The following CDHR4 variants were observed in gnomAD, a reference collection of about 807,000 sequenced individuals.
CDHR4 encodes cadherin-related family member 4.
Under a neutral mutation model 88.4 loss-of-function variants are expected in CDHR4, and 89 were observed. That is an observed-to-expected ratio of 1.01 (90% CI 0.85 to 1.20). CDHR4 has a LOEUF of 1.20. Among genes scored for constraint, CDHR4 ranks in the 50% most tolerant of loss-of-function variants. CDHR4 has a pLI of 0.00. For synonymous variants in CDHR4, 368 were observed against 399.2 expected (o/e 0.92, Z 0.93); for missense variants, 914 against 1,007.2 (o/e 0.91, Z 1.25).
chr3:49,797,877 T>C (rs1336203557), intron 4 of CDHR4, among the ~76,000 whole-genome samples: 1 of 152,038 alleles, frequency 6.6e-6, no homozygotes, highest in East Asian at 1.9e-4. Context: ...TCAATCCTTT[T>C]TGCTTTCAAG....
rs1289734563 is a variant in CDHR4 at position 49,799,340 on chromosome 3, G to T, written c.147C>A (p.Pro49=). The change falls in exon 2 of 19, where the codon CCC becomes CCA. Residue 49 remains proline (P), a synonymous_variant. Transcript: ENST00000412678. ...CATTGAGCAACTCCAGGGTGGGTGT[G>T]GGCGTGTAGGAGGAGCAGTTGAAGG... ...FLSFNCSSYT[P]TPTLELLNVQ... 6.2e-7 allele frequency: 1 copy of T among 1,613,682 alleles called. No homozygotes were observed. The highest frequency in any genetic ancestry group is 1.3e-5 in the African/African-American group (1 of 74,940).
chr3:49,799,738 G>A lies in CDHR4; in HGVS notation c.49+26C>T, dbSNP rs760418795. On this transcript the variant is annotated intron_variant, in intron 1 of 18. Coordinates refer to ENST00000412678, the MANE Select transcript of CDHR4 (RefSeq NM_001007540.4). ...GGTCAGGACTCCAAGGGAAAACTAC[G>A]GTTCCCCCACCCACCACCTCCTCAC... The A allele has an allele frequency of 5.0e-6, 8 of 1,612,590 alleles. 1 individual carries two copies. Among genetic ancestry groups the A allele is most frequent in the South Asian group, 3.3e-5 (3 of 90,990 alleles).
At chr3:49,797,594 G>C (rs1001298565) in intron 4 of CDHR4, among the ~76,000 whole-genome samples, 2 of 152,114 alleles carry the variant, frequency 1.3e-5, no homozygotes, top group African/African-American at 4.8e-5. Context: ...TGATTCTTCA[G>C]TCTCAGCCTC....
rs1334375053 is a variant in CDHR4 at position 49,798,506 on chromosome 3, T to C, written c.495+320A>G. 2.8e-5 allele frequency: 10 copies of C among 363,474 alleles called. No individual in the cohort carries two copies. In the East Asian group the frequency reaches 3.6e-4, roughly 13 times the overall value. 22.5% of individuals were successfully genotyped at this position (363,474 alleles called of 1,614,324 possible). The stretch of plus-strand genomic sequence containing the variant: ...GGGAGGCTGAGGCAGGAGAATGGCA[T>C]GAACCTGGGAGGTGGAGCTTGCAGT... On this transcript the variant is annotated intron_variant, in intron 4 of 18. Transcript: ENST00000412678.
intron 4 of CDHR4, among the ~76,000 whole-genome samples, chr3:49,797,607 G>A (rs1034504440): frequency 9.9e-5 from 15 of 151,816 alleles, no homozygotes; most frequent in East Asian, 2.0e-4. Context: ...TCAGCCTCCC[G>A]AATAGCTGAG....
At chr3:49,793,754 G>T in intron 11 of CDHR4, 32 bp from the exon 12 acceptor site, 2 of 1,551,622 alleles carry the variant, frequency 1.3e-6, no homozygotes, top group Non-Finnish European at 1.7e-6. Flanking sequence ...TCAGCCTGCA[G>T]GGCCAACTCT....
chr3:49,798,749 G>T, intron 4 of CDHR4, 77 bp downstream of exon 4: 1 of 1,398,272 alleles, frequency 7.2e-7, no homozygotes, highest in Non-Finnish European at 9.9e-7. Context: ...GCTGTGCCTG[G>T]CCAGGTGGGG....
chr3:49,794,533 C>T (rs975794708), intron 10 of CDHR4, 75 bp downstream of exon 10: 1 of 1,193,200 alleles, frequency 8.4e-7, no homozygotes. Flanking sequence ...GGAGAGATGA[C>T]CCTGTCCTGA....
In CDHR4 at chr3:49,799,098, T is replaced by A. The variant is rs565994358; in HGVS notation, c.299A>T (p.Gln100Leu). Residue 100 changes from glutamine to leucine, a missense_variant, in exon 3 of 19, where the codon CAG becomes CTG. By Grantham distance (113) the Gln-to-Leu change is moderately radical. Transcript: ENST00000412678. ...ATGGTTGCCACATGTGAACTTCAGC[T>A]GCACCTTGTAGTGGTTCACCATCAG... Reference protein sequence around the residue: ...DALMVNHYKVQLKFTCGNHVM... With the variant: ...DALMVNHYKVLLKFTCGNHVM... 152 of 1,577,188 alleles carry A rather than the reference T, an allele frequency of 9.6e-5. No homozygotes were observed. The highest frequency in any genetic ancestry group is 1.2e-4 in the Non-Finnish European group (143 of 1,161,070).
chr3:49,795,032 G>A lies in CDHR4; in HGVS notation c.1100C>T (p.Ser367Phe). 2 of 1,551,722 alleles carry A rather than the reference G, an allele frequency of 1.3e-6. No individual in the cohort carries two copies. Among genetic ancestry groups the A allele is most frequent in the Non-Finnish European group, 1.7e-6 (2 of 1,147,004 alleles). The change falls in exon 9 of 19, where the codon TCT (serine) becomes TTT (phenylalanine). Residue 367 changes from serine to phenylalanine, a missense_variant. By Grantham distance (155) the Ser-to-Phe change is radical. Transcript: ENST00000412678. This position sits in a 1 kb window ranked among gnomAD's most constrained non-coding sequence, Gnocchi z 5.4. ...LNTLTCEDPD[S>F]VGATLDYKLW... ...CTTGTAGTCCAGGGTGGCACCAACA[G>A]AGTCCGGATCTTCGCAAGTGAGAGT...
chr3:49,797,103 C>A, intron 4 of CDHR4, 71 bp from the exon 5 acceptor site: 1 of 1,270,168 alleles, frequency 7.9e-7, no homozygotes, highest in East Asian at 2.6e-5. Context: ...GACAACCCAG[C>A]AGCAACCCTC....
rs1052112325 is a variant in CDHR4 at position 49,795,076 on chromosome 3, G to A, written c.1056C>T (p.Pro352=). 5.3e-5 allele frequency: 82 copies of A among 1,551,574 alleles called. No individual in the cohort carries two copies. Among genetic ancestry groups the A allele is most frequent in the Non-Finnish European group, 6.1e-5 (70 of 1,147,004 alleles). The change falls in exon 9 of 19, where the codon CCC becomes CCT. Residue 352 remains proline, a synonymous_variant. Transcript: ENST00000412678. This position sits in a 1 kb window ranked among gnomAD's most constrained non-coding sequence, Gnocchi z 5.4. The stretch of plus-strand genomic sequence containing the variant: ...TGAGAGTATTCAGCACGGTGCCCAC[G>A]GGTGCAGTCTCCGGGATTTGGGACC... ...LLVSQIPETA[P]VGTVLNTLTC...
At chr3:49,799,621 C>A in intron 1 of CDHR4, 143 bp downstream of exon 1, 1 of 1,069,752 alleles carries the variant, frequency 9.3e-7, no homozygotes. Context: ...GAGGAAGTGG[C>A]CAAGAGAAGG....
In CDHR4 at chr3:49,792,495, C is replaced by A. The variant is rs2081195173; in HGVS notation, c.2111G>T (p.Gly704Val). Residue 704 changes from glycine to valine, a missense_variant, in exon 15 of 19, where the codon GGC becomes GTC. Gly to Val is a moderately radical substitution (Grantham distance 109). Coordinates refer to ENST00000412678, the MANE Select transcript of CDHR4 (RefSeq NM_001007540.4). ...ATGALLLLAL[G>V]WLLGRLLQGL... ...CTGGAGGAGCCTGCCAAGAAGCCAG[C>A]CTAGGGCCAAGAGGAGAAGAGCACC... The A allele has an allele frequency of 6.4e-7, 1 of 1,551,548 alleles. No homozygotes were observed. The highest frequency in any genetic ancestry group is 1.4e-5 in the African/African-American group (1 of 73,020).
In CDHR4 at chr3:49,798,974, C is replaced by A; in HGVS notation, c.403+20G>T. The stretch of plus-strand genomic sequence containing the variant: ...TCAGGCCATGCCTGCCCCCACCCTG[C>A]CGGCTGCCCCTGGCCTCACCTGGGC... On this transcript the variant is annotated intron_variant, in intron 3 of 18. Coordinates refer to ENST00000412678, the MANE Select transcript of CDHR4 (RefSeq NM_001007540.4). 1.2e-6 allele frequency: 2 copies of A among 1,610,712 alleles called. No individual in the cohort carries two copies. Among genetic ancestry groups the A allele is most frequent in the East Asian group, 4.5e-5 (2 of 44,770 alleles).
chr3:49,802,142 CCTT>C (rs994383349), upstream of CDHR4, among the ~76,000 whole-genome samples: 1 of 151,986 alleles, frequency 6.6e-6, no homozygotes, highest in Non-Finnish European at 1.5e-5. Flanking sequence ...TTCTCCTTCT[CCTT>C]CTTCTCCTTC....
chr3:49,799,271 C>A lies in CDHR4; in HGVS notation c.216G>T (p.Arg72Ser). ...TTFFNPPSLA[R>S]WQGTYVGKLT... is the part of the protein sequence containing the mutation. ...CCTTGCCCACATAGGTCCCTTGCCA[C>A]CTGGCCAAGCTGGGTGGGTTGAAGA... Residue 72 changes from arginine (R) to serine (S), a missense_variant, in exon 2 of 19, where the codon AGG (arginine) becomes AGT (serine). By Grantham distance (110) the Arg-to-Ser change is moderately radical. Coordinates refer to ENST00000412678, the MANE Select transcript of CDHR4 (RefSeq NM_001007540.4). The A allele has an allele frequency of 1.9e-6, 3 of 1,613,766 alleles. No homozygotes were observed. The highest frequency in any genetic ancestry group is 1.1e-5 in the South Asian group (1 of 91,060).
intron 4 of CDHR4, 134 bp downstream of exon 4, chr3:49,798,692 A>G: frequency 1.3e-6 from 1 of 782,752 alleles, no homozygotes; most frequent in Non-Finnish European, 2.0e-6. Context: ...AAGAACATAC[A>G]TCATGTAGAG....
chr3:49,791,269 G>A (rs1046795972), intron 18 of CDHR4, among the ~76,000 whole-genome samples, 172 bp downstream of exon 18: 3 of 152,148 alleles, frequency 2.0e-5, no homozygotes, highest in Non-Finnish European at 4.4e-5. Flanking sequence ...GTTTGACAAA[G>A]GATGGATGAA....
Sources: allele counts gnomAD v4.1 joint callset (sites outside exome capture counted in the v4.1 genomes callset), GRCh38; gene constraint gnomAD v4.1.1; non-coding constraint Gnocchi (gnomAD v3.1); transcripts MANE v1.5; gene names NCBI Gene and HGNC (gene_info 2026-07-23, HGNC 2026-07-21).